Variants in CBR4 observed in about 807,000 individuals in gnomAD.
CBR4 encodes the protein carbonyl reductase 4.
A neutral mutation model predicts 21.0 loss-of-function variants in CBR4; 22 were observed. That is an observed-to-expected ratio of 1.05 (90% CI 0.75 to 1.50). The LOEUF (loss-of-function observed/expected upper bound fraction) is 1.50, where lower values mean the gene tolerates loss of function less well. Among genes scored for constraint, CBR4 ranks in the 40% most tolerant of loss-of-function variants. The pLI is 0.00. For missense variants in CBR4, 302 were observed against 286.3 expected (o/e 1.05, Z -0.40); for synonymous variants, 100 against 104.4 (o/e 0.96, Z 0.26).
intron 2 of CBR4, among the ~76,000 whole-genome samples, chr4:168,914,229 A>C (rs914500340): frequency 3.3e-5 from 5 of 152,212 alleles, no homozygotes; most frequent in Non-Finnish European, 5.9e-5. Context: ...AATGTGTGCT[A>C]AGCCCATTCA....
chr4:168,976,418 C>A (rs1160769540), intron 2 of CBR4, among the ~76,000 whole-genome samples: 1 of 152,188 alleles, frequency 6.6e-6, no homozygotes, highest in African/African-American at 2.4e-5. Flanking sequence ...AGCAACAAGG[C>A]TGTTTATTTC....
intron 2 of CBR4, among the ~76,000 whole-genome samples, chr4:168,972,882 T>C (rs1764252196): frequency 6.6e-6 from 1 of 152,220 alleles, no homozygotes; most frequent in African/African-American, 2.4e-5. Context: ...TTTAAACGCT[T>C]CCCCATTCAG....
At chr4:169,000,336 T>C (rs1239372231) in intron 4 of CBR4, among the ~76,000 whole-genome samples, 4 of 150,394 alleles carry the variant, frequency 2.7e-5, no homozygotes, top group Non-Finnish European at 5.9e-5. Context: ...ACTTATCAAA[T>C]ATTCATAGAT....
At chr4:168,932,303 T>C (rs548742069) in intron 2 of CBR4, among the ~76,000 whole-genome samples, 1 of 147,572 alleles carries the variant, frequency 6.8e-6, no homozygotes, top group South Asian at 2.1e-4. Context: ...AAATAAAAAA[T>C]GCAATCAAGA....
chr4:168,990,088 C>T lies in CBR4; in HGVS notation c.*62G>A. On this transcript the variant is annotated 3_prime_UTR_variant, in exon 5 of 5. Transcript: ENST00000306193. ...ATGTTACCCATGTAGGTATAATTGT[C>T]TAATCAGTAGCCAAAGTGTGCCCTT... 2 of 1,430,160 alleles carry T rather than the reference C, an allele frequency of 1.4e-6. No individual in the cohort carries two copies. The highest frequency in any genetic ancestry group is 1.8e-6 in the Non-Finnish European group (2 of 1,084,686). 88.6% of individuals were successfully genotyped at this position (1,430,160 alleles called of 1,614,324 possible). A position where few individuals can be genotyped will look rare whatever the true frequency, so the allele number is the denominator to read the frequency against.
chr4:168,903,470 A>G (rs963810480), intron 2 of CBR4, among the ~76,000 whole-genome samples: 2 of 152,238 alleles, frequency 1.3e-5, no homozygotes, highest in African/African-American at 4.8e-5. Context: ...CATAGAAATA[A>G]TCATTGCCAA....
At chr4:168,926,475 T>G in intron 2 of CBR4, 1 of 827,472 alleles carries the variant, frequency 1.2e-6, no homozygotes, top group Non-Finnish European at 1.8e-6. Context: ...GGCAGAAACA[T>G]ACCTTTGACT....
At position 169,002,143 on chromosome 4, in the gene CBR4, A is replaced by C; in HGVS notation, c.463T>G (p.Leu155Val). Residue 155 changes from leucine (L) to valine (V), a missense_variant, in exon 4 of 5, where the codon TTA (leucine) becomes GTA (valine). Coordinates refer to ENST00000306193, the MANE Select transcript of CBR4 (RefSeq NM_032783.5). ...GCAAGAGCACGTGAAAATCCAACTA[A>C]TCCTCCTTTACTGGCACTGTAAACG... is the stretch of plus-strand genomic sequence containing the variant. Reference protein sequence around the residue: ...QSVYSASKGGLVGFSRALAKE... With the variant: ...QSVYSASKGGVVGFSRALAKE... 1 of 1,595,328 alleles carries C rather than the reference A, an allele frequency of 6.3e-7. No individual in the cohort carries two copies. The highest frequency in any genetic ancestry group is 1.7e-5 in the Admixed American group (1 of 57,824).
At chr4:168,981,732 A>AGCCAGAAG (rs1764552510) in intron 2 of CBR4, among the ~76,000 whole-genome samples, 1 of 152,234 alleles carries the variant, frequency 6.6e-6, no homozygotes, top group African/African-American at 2.4e-5. Context: ...AAACACTACA[A>AGCCAGAAG]GCCAGAAGAG....
chr4:168,986,812 A>G (rs535140426), downstream of CBR4, among the ~76,000 whole-genome samples: 71 of 152,220 alleles, frequency 4.7e-4, 1 homozygote, highest in Admixed American at 8.5e-4. Context: ...ACGCAGGGTT[A>G]ATACCTGTTG....
intron 2 of CBR4, chr4:168,921,526 T>C (rs1232264624): frequency 6.3e-7 from 1 of 1,576,082 alleles, no homozygotes; most frequent in Non-Finnish European, 8.6e-7. Flanking sequence ...ATTTCTTTTA[T>C]GATTTAGGTC....
intron 2 of CBR4, among the ~76,000 whole-genome samples, chr4:168,966,087 T>C (rs779767687): frequency 1.3e-5 from 2 of 152,010 alleles, no homozygotes; most frequent in Non-Finnish European, 2.9e-5. Context: ...GCAAAGGATA[T>C]TAACAGACAC....
intron 2 of CBR4, among the ~76,000 whole-genome samples, chr4:168,922,323 T>G (rs1761746981): frequency 6.6e-6 from 1 of 152,190 alleles, no homozygotes; most frequent in African/African-American, 2.4e-5. Context: ...ATACCATCCT[T>G]AAGAGTTAGG....
intron 2 of CBR4, among the ~76,000 whole-genome samples, chr4:168,981,884 G>A (rs1764557189): frequency 6.6e-6 from 1 of 152,122 alleles, no homozygotes; most frequent in Admixed American, 6.5e-5. Context: ...GTTACCACCA[G>A]GTCTGCCTTA....
chr4:168,956,610 A>C (rs867542847), intron 2 of CBR4, among the ~76,000 whole-genome samples: 1 of 150,612 alleles, frequency 6.6e-6, no homozygotes, highest in Non-Finnish European at 1.5e-5. Flanking sequence ...AAAAAAAAAA[A>C]AAAAAAAAAA....
intron 2 of CBR4, among the ~76,000 whole-genome samples, chr4:168,911,973 A>G (rs1010286238): frequency 3.3e-5 from 5 of 151,646 alleles, no homozygotes; most frequent in African/African-American, 1.2e-4. Flanking sequence ...TCTGTATTAC[A>G]TTCCTATGTG....
chr4:168,926,345 T>A, intron 2 of CBR4: 1 of 1,537,416 alleles, frequency 6.5e-7, no homozygotes, highest in Non-Finnish European at 8.7e-7. Context: ...CCATCTCACC[T>A]GACACTGAAT....
At chr4:168,964,815 A>G (rs1402354569) in intron 2 of CBR4, among the ~76,000 whole-genome samples, 1 of 152,220 alleles carries the variant, frequency 6.6e-6, no homozygotes, top group Admixed American at 6.5e-5. Flanking sequence ...TTGTGCAAGT[A>G]TGTGTAGATC....
At chr4:168,923,623 A>G (rs870717) in intron 2 of CBR4, among the ~76,000 whole-genome samples, 104,572 of 151,612 alleles carry the variant, frequency 0.69, 37,461 homozygotes, top group East Asian at 0.96. Flanking sequence ...CAAGGTTATA[A>G]TAAAGCTTTT....
Sources: allele counts gnomAD v4.1 joint callset (sites outside exome capture counted in the v4.1 genomes callset), GRCh38; gene constraint gnomAD v4.1.1; transcripts MANE v1.5; gene names NCBI Gene and HGNC (gene_info 2026-07-23, HGNC 2026-07-21).